Variants in RPAP3 observed in about 807,000 individuals in gnomAD.
RPAP3 encodes the protein RNA polymerase II-associated protein 3.
RPAP3 carries 58 observed loss-of-function variants against 88.8 expected under a neutral mutation model. The ratio of observed to expected loss-of-function variants is 0.65; its 90% CI spans 0.53 to 0.81. The LOEUF (loss-of-function observed/expected upper bound fraction) is 0.81, where lower values mean the gene tolerates loss of function less well. Among genes scored for constraint, RPAP3 ranks in the 40% least tolerant of loss-of-function variants. RPAP3 has a pLI of 0.00. For synonymous variants in RPAP3, 255 were observed against 259.9 expected, an observed-to-expected ratio of 0.98 and a Z score of 0.18; for missense variants, 751 against 764.3, an observed-to-expected ratio of 0.98 and a Z score of 0.20.
chr12:47,690,810 C>T (rs1939413954), intron 5 of RPAP3, among the ~76,000 whole-genome samples, 171 bp from the exon 6 acceptor site: 1 of 152,164 alleles, frequency 6.6e-6, no homozygotes, highest in African/African-American at 2.4e-5. Flanking sequence ...ACTGCCATTG[C>T]TCAAAGATAT....
intron 6 of RPAP3, among the ~76,000 whole-genome samples, chr12:47,689,858 T>A (rs1371042499): frequency 1.3e-5 from 2 of 152,056 alleles, no homozygotes; most frequent in African/African-American, 4.8e-5. Context: ...CTGGCCAACA[T>A]GGCAAAACCC....
At chr12:47,699,205 C>T (rs1189815593) in intron 3 of RPAP3, among the ~76,000 whole-genome samples, 1 of 152,192 alleles carries the variant, frequency 6.6e-6, no homozygotes, top group Non-Finnish European at 1.5e-5. Flanking sequence ...ATCTTGATGG[C>T]ATTGTCCACA....
intron 12 of RPAP3, among the ~76,000 whole-genome samples, chr12:47,677,441 G>A (rs950803778): frequency 6.6e-6 from 1 of 152,048 alleles, no homozygotes; most frequent in African/African-American, 2.4e-5. Context: ...TAGGAAACGA[G>A]GAAGTCAAAT....
rs182327903 is a variant in RPAP3 at position 47,676,168 on chromosome 12, G to C, written c.1287+3325C>G. Among the ~76,000 whole-genome samples the C allele has an allele frequency of 4.3e-3, 658 of 152,232 alleles. 2 individuals are homozygous for C. Among genetic ancestry groups the C allele is most frequent in the African/African-American group, 0.015 (627 of 41,554 alleles). ...CTACTGGGTAACTAACGAAATGAAGGCAGAAATAAAGATGTTCTTGGAAAC... is the reference window on the plus strand; with the variant it reads ...CTACTGGGTAACTAACGAAATGAAGCCAGAAATAAAGATGTTCTTGGAAAC... On this transcript the variant is annotated intron_variant, in intron 12 of 16. Coordinates refer to ENST00000005386, the MANE Select transcript of RPAP3 (RefSeq NM_024604.3).
At position 47,702,722 on chromosome 12, in the gene RPAP3, A is replaced by G; in HGVS notation, c.119T>C (p.Met40Thr). Residue 40 changes from methionine (M) to threonine (T), a missense_variant, in exon 2 of 17, where the codon ATG (methionine) becomes ACG (threonine). Coordinates refer to ENST00000005386, the MANE Select transcript of RPAP3 (RefSeq NM_024604.3). ...NWEKDIKQKDMELRRQNGVPE... is the reference protein window; with the variant it reads ...NWEKDIKQKDTELRRQNGVPE... Reference sequence around the variant, plus strand: ...AACACCATTCTGTCTTCTTAGTTCCATATCCTTTTGTTTAATGTCTTTTTC... The same window carrying G: ...AACACCATTCTGTCTTCTTAGTTCCGTATCCTTTTGTTTAATGTCTTTTTC... 6.2e-7 allele frequency: 1 copy of G among 1,611,572 alleles called. No homozygotes were observed. Among genetic ancestry groups the G allele is most frequent in the South Asian group, 1.1e-5 (1 of 90,588 alleles).
chr12:47,674,151 C>T (rs1036465842), intron 12 of RPAP3, among the ~76,000 whole-genome samples: 6 of 148,484 alleles, frequency 4.0e-5, no homozygotes, highest in East Asian at 2.0e-4. Context: ...AGTTAGGGGG[C>T]GTTCCAAGAT....
intron 3 of RPAP3, among the ~76,000 whole-genome samples, chr12:47,699,024 A>T (rs1939593082): frequency 6.6e-6 from 1 of 152,240 alleles, no homozygotes; most frequent in Non-Finnish European, 1.5e-5. Context: ...CCACCAGCCT[A>T]CCAACATTGC....
At chr12:47,663,824 T>C (rs1305002563) in intron 16 of RPAP3, among the ~76,000 whole-genome samples, 2 of 152,252 alleles carry the variant, frequency 1.3e-5, no homozygotes, top group African/African-American at 4.8e-5. Flanking sequence ...AAATTTGCCC[T>C]GCATTCTCAA....
intron 13 of RPAP3, among the ~76,000 whole-genome samples, chr12:47,669,411 T>C (rs970517729): frequency 6.6e-6 from 1 of 152,172 alleles, no homozygotes. Context: ...ACTAATGATT[T>C]AGCCTTTCAA....
At chr12:47,704,183 A>G (rs533539962) in intron 1 of RPAP3, among the ~76,000 whole-genome samples, 4 of 152,194 alleles carry the variant, frequency 2.6e-5, no homozygotes, top group African/African-American at 4.8e-5. Flanking sequence ...GGAGAACACT[A>G]AACGGAGAAA....
rs554865166 is a variant in RPAP3 at position 47,696,257 on chromosome 12, C to T, written c.545+19G>A. On this transcript the variant is annotated intron_variant, in intron 5 of 16. Transcript: ENST00000005386. ...TACATAAGACATTCACATTCACACA[C>T]GTCACAGAAAGTCCTTACTTTTTCA... 10 of 1,508,846 alleles carry T rather than the reference C, an allele frequency of 6.6e-6. No individual in the cohort carries two copies. In the Admixed American group the frequency reaches 8.8e-5, roughly 13 times the overall value. The allele number at this position is 1,508,846 out of a possible 1,614,324, so 93.5% of individuals were successfully genotyped here.
intron 14 of RPAP3, among the ~76,000 whole-genome samples, chr12:47,668,089 G>A (rs761000854): frequency 2.8e-4 from 43 of 152,204 alleles, no homozygotes; most frequent in Non-Finnish European, 5.3e-4. Context: ...CCAGCTACTC[G>A]GAGACTGAGG....
intron 6 of RPAP3, among the ~76,000 whole-genome samples, 181 bp from the exon 7 acceptor site, chr12:47,689,376 T>C (rs1001904740): frequency 5.3e-5 from 8 of 152,212 alleles, no homozygotes; most frequent in African/African-American, 7.2e-5. Context: ...ATTCTCACTC[T>C]GTTGCCCAGG....
At chr12:47,691,028 T>C (rs1939418147) in intron 5 of RPAP3, among the ~76,000 whole-genome samples, 1 of 152,196 alleles carries the variant, frequency 6.6e-6, no homozygotes, top group African/African-American at 2.4e-5. Flanking sequence ...GAGTCTTTAG[T>C]GAATATTTAT....
intron 12 of RPAP3, among the ~76,000 whole-genome samples, chr12:47,678,620 T>C (rs1426160996): frequency 6.6e-6 from 1 of 152,150 alleles, no homozygotes; most frequent in African/African-American, 2.4e-5. Context: ...AAAGAAGACA[T>C]TTATGCAGCC....
At chr12:47,678,230 C>T (rs1239072859) in intron 12 of RPAP3, among the ~76,000 whole-genome samples, 3 of 152,112 alleles carry the variant, frequency 2.0e-5, no homozygotes, top group African/African-American at 4.8e-5. Context: ...CTTCCTTACA[C>T]CTTATACAAA....
chr12:47,676,878 C>T (rs929294458), intron 12 of RPAP3, among the ~76,000 whole-genome samples: 4 of 152,164 alleles, frequency 2.6e-5, no homozygotes, highest in African/African-American at 9.7e-5. Flanking sequence ...GGAATCCTCC[C>T]TAACTCATTT....
chr12:47,701,504 A>G lies in RPAP3; in HGVS notation c.254T>C (p.Ile85Thr), dbSNP rs756875418. ...KTREENTKNR[I>T]KSYDYEAWAK... ...CCATGCCTCATAATCATAAGATTTT[A>G]TCCTGTTTTTTGTGTTTTCCTCTCT... Residue 85 changes from isoleucine to threonine, a missense_variant, in exon 3 of 17, where the codon ATA becomes ACA. Coordinates refer to ENST00000005386, the MANE Select transcript of RPAP3 (RefSeq NM_024604.3). The G allele has an allele frequency of 6.2e-7, 1 of 1,602,960 alleles. No homozygotes were observed.
intron 16 of RPAP3, among the ~76,000 whole-genome samples, chr12:47,664,319 G>A (rs536463764): frequency 4.5e-4 from 69 of 152,318 alleles, no homozygotes; most frequent in Admixed American, 4.0e-3. Flanking sequence ...GAACCCAGGA[G>A]GCGGAGCTTG....
Sources: allele counts gnomAD v4.1 joint callset (sites outside exome capture counted in the v4.1 genomes callset), GRCh38; gene constraint gnomAD v4.1.1; transcripts MANE v1.5; gene names NCBI Gene and HGNC (gene_info 2026-07-23, HGNC 2026-07-21).